The following DSCAM variants were observed in gnomAD, a reference collection of about 807,000 sequenced individuals.
DSCAM encodes cell adhesion molecule DSCAM.
In DSCAM, 47 loss-of-function variants were observed where a neutral mutation model predicts 217.7. That is an observed-to-expected ratio of 0.22 (90% CI 0.17 to 0.28). DSCAM has a LOEUF of 0.28. DSCAM is among the 10% of genes least tolerant of loss of function. The probability of loss-of-function intolerance (pLI) is 1.00; values close to 1 mark genes in which losing one functional copy is unlikely to be tolerated. For synonymous variants in DSCAM, 1,056 were observed against 1,015.3 expected, an observed-to-expected ratio of 1.04 and a Z score of -0.76; for missense variants, 2,080 against 2,618.3, an observed-to-expected ratio of 0.79 and a Z score of 4.49.
chr21:40,696,565 G>T (rs937340574), intron 2 of DSCAM, among the ~76,000 whole-genome samples: 5 of 152,156 alleles, frequency 3.3e-5, no homozygotes, highest in Admixed American at 2.6e-4. Context: ...TGGTTCCAGT[G>T]CCCAAGCAAT....
intron 3 of DSCAM, among the ~76,000 whole-genome samples, chr21:40,507,746 G>A (rs1212671658): frequency 1.3e-5 from 2 of 152,116 alleles, no homozygotes; most frequent in South Asian, 2.1e-4. Flanking sequence ...TCATGCCACT[G>A]CACTACAGCC....
At chr21:40,393,322 C>A (rs962134310) in intron 3 of DSCAM, among the ~76,000 whole-genome samples, 1 of 152,146 alleles carries the variant, frequency 6.6e-6, no homozygotes, top group African/African-American at 2.4e-5. Flanking sequence ...AACAGCTCCA[C>A]GAACAGGGAA....
chr21:40,703,669 A>G (rs959757907), intron 2 of DSCAM, among the ~76,000 whole-genome samples: 1 of 152,088 alleles, frequency 6.6e-6, no homozygotes. Flanking sequence ...GCGCTGAGCA[A>G]TTTTATTATA....
At chr21:40,767,882 CTCTCTT>C (rs1182571091) in intron 1 of DSCAM, among the ~76,000 whole-genome samples, 13 of 148,756 alleles carry the variant, frequency 8.7e-5, no homozygotes, top group African/African-American at 3.2e-4. Flanking sequence ...TCACCATTTT[CTCTCTT>C]TCTCTCTCTC....
At chr21:40,837,173 C>A (rs1400773853) in intron 1 of DSCAM, among the ~76,000 whole-genome samples, 1 of 152,170 alleles carries the variant, frequency 6.6e-6, no homozygotes, top group African/African-American at 2.4e-5. Context: ...GCTGGCACAG[C>A]CTCTTCCTCC....
chr21:40,738,058 T>C (rs2091082716), intron 1 of DSCAM, among the ~76,000 whole-genome samples: 1 of 152,312 alleles, frequency 6.6e-6, no homozygotes, highest in African/African-American at 2.4e-5. Flanking sequence ...GTTTCATTCA[T>C]GTGAAATGCA....
At chr21:40,307,026 C>T (rs2074085238) in intron 9 of DSCAM, among the ~76,000 whole-genome samples, 1 of 152,126 alleles carries the variant, frequency 6.6e-6, no homozygotes, top group South Asian at 2.1e-4. Context: ...GGTACCAGTT[C>T]CTCCTTGTAC....
intron 3 of DSCAM, among the ~76,000 whole-genome samples, chr21:40,594,919 T>C (rs1452862936): frequency 6.6e-6 from 1 of 152,152 alleles, no homozygotes; most frequent in Non-Finnish European, 1.5e-5. Flanking sequence ...CCCAATTCTA[T>C]GTGCTCCCTG....
chr21:40,257,879 T>A (rs1377268267), intron 11 of DSCAM, among the ~76,000 whole-genome samples: 1 of 152,152 alleles, frequency 6.6e-6, no homozygotes, highest in African/African-American at 2.4e-5. Flanking sequence ...TTAATGCAGT[T>A]TATGGCTACA....
At chr21:40,825,338 G>A (rs1350064866) in intron 1 of DSCAM, among the ~76,000 whole-genome samples, 1 of 144,746 alleles carries the variant, frequency 6.9e-6, no homozygotes, top group Non-Finnish European at 1.5e-5. Flanking sequence ...TTCTTTCTGA[G>A]ATGGAGTCTC....
At chr21:40,083,815 AAC>A in intron 24 of DSCAM, 91 bp downstream of exon 24, 2 of 930,694 alleles carry the variant, frequency 2.1e-6, no homozygotes, top group Non-Finnish European at 3.2e-6. Flanking sequence ...AGAATAAAGT[AAC>A]ACATACCAGT....
intron 1 of DSCAM, among the ~76,000 whole-genome samples, chr21:40,746,605 A>G (rs907800623): frequency 6.6e-6 from 1 of 151,894 alleles, no homozygotes; most frequent in African/African-American, 2.4e-5. Flanking sequence ...TAGATTGACT[A>G]TAATACAATA....
intron 3 of DSCAM, among the ~76,000 whole-genome samples, chr21:40,597,344 T>G (rs1192558372): frequency 6.6e-6 from 1 of 150,612 alleles, no homozygotes; most frequent in Non-Finnish European, 1.5e-5. Flanking sequence ...GGAAAATATC[T>G]TCTTCAAACG....
At chr21:40,537,096 C>T (rs2076505432) in intron 3 of DSCAM, among the ~76,000 whole-genome samples, 1 of 152,164 alleles carries the variant, frequency 6.6e-6, no homozygotes, top group Admixed American at 6.5e-5. Flanking sequence ...TTTTCTCTCC[C>T]TGGCTTTCCA....
At chr21:40,214,275 T>C (rs1193939644) in intron 11 of DSCAM, among the ~76,000 whole-genome samples, 2 of 152,228 alleles carry the variant, frequency 1.3e-5, no homozygotes, top group Admixed American at 1.3e-4. Flanking sequence ...GAGCCTGTGT[T>C]CTAAGACATT....
intron 8 of DSCAM, among the ~76,000 whole-genome samples, chr21:40,322,600 T>C (rs968358635): frequency 2.4e-4 from 37 of 151,926 alleles, no homozygotes; most frequent in Non-Finnish European, 2.1e-4. Context: ...TCTCGGCTCA[T>C]GGCAACCTCC....
intron 4 of DSCAM, among the ~76,000 whole-genome samples, chr21:40,360,464 C>A (rs2074749954): frequency 6.6e-6 from 1 of 151,952 alleles, no homozygotes; most frequent in Non-Finnish European, 1.5e-5. Flanking sequence ...CCTAAACTCT[C>A]TGCCTTCCAC....
intron 3 of DSCAM, among the ~76,000 whole-genome samples, chr21:40,573,937 G>T (rs1470779582): frequency 6.6e-6 from 1 of 151,988 alleles, no homozygotes; most frequent in Non-Finnish European, 1.5e-5. Context: ...AGAAAAAATA[G>T]AACATCTAAA....
chr21:40,083,768 T>C, intron 24 of DSCAM, 140 bp downstream of exon 24: 1 of 535,500 alleles, frequency 1.9e-6, no homozygotes, highest in Non-Finnish European at 3.2e-6. Context: ...CTTTCTTAGG[T>C]AATGGAGGGA....
Sources: allele counts gnomAD v4.1 joint callset (sites outside exome capture counted in the v4.1 genomes callset), GRCh38; gene constraint gnomAD v4.1.1; transcripts MANE v1.5; gene names NCBI Gene and HGNC (gene_info 2026-07-23, HGNC 2026-07-21).